YAP1: variants seen among roughly 807,000 people sequenced by gnomAD.
YAP1 encodes the protein transcriptional coactivator YAP1.
A neutral mutation model predicts 56.9 loss-of-function variants in YAP1; 5 were observed. The observed-to-expected ratio is 0.09, with a 90% CI of 0.05 to 0.18. The LOEUF is 0.18. YAP1 is among the 10% of genes least tolerant of loss of function. The pLI is 1.00. For synonymous variants in YAP1, 265 were observed against 248.1 expected (o/e 1.07, Z -0.64); for missense variants, 539 against 651.8 (o/e 0.83, Z 1.88).
chr11:102,168,397 C>T (rs1946722298), intron 3 of YAP1, among the ~76,000 whole-genome samples: 1 of 152,090 alleles, frequency 6.6e-6, no homozygotes, highest in African/African-American at 2.4e-5. Flanking sequence ...GCAGAATCAA[C>T]CCATTTATCT....
At chr11:102,134,483 ATATT>A (rs1300164745) in intron 2 of YAP1, among the ~76,000 whole-genome samples, 9 of 147,802 alleles carry the variant, frequency 6.1e-5, no homozygotes, top group Admixed American at 2.0e-4. Flanking sequence ...AAAATTATAT[ATATT>A]TATTTATATA....
At chr11:102,226,711 G>A (rs1950213930) in intron 7 of YAP1, among the ~76,000 whole-genome samples, 1 of 152,138 alleles carries the variant, frequency 6.6e-6, no homozygotes, top group African/African-American at 2.4e-5. Context: ...TCTGTGTTGG[G>A]TCATTTTATT....
At chr11:102,185,241 C>T (rs899288016) in intron 3 of YAP1, among the ~76,000 whole-genome samples, 7 of 152,136 alleles carry the variant, frequency 4.6e-5, no homozygotes, top group African/African-American at 1.7e-4. Context: ...TTGCTGTTAC[C>T]TCCCAAGAGC....
At chr11:102,196,966 A>G (rs1948605928) in intron 4 of YAP1, among the ~76,000 whole-genome samples, 1 of 152,162 alleles carries the variant, frequency 6.6e-6, no homozygotes, top group African/African-American at 2.4e-5. Flanking sequence ...ATAAATTATT[A>G]TGCCACTTTA....
intron 2 of YAP1, among the ~76,000 whole-genome samples, chr11:102,159,475 TC>T (rs2135387186): frequency 6.6e-6 from 1 of 152,352 alleles, no homozygotes; most frequent in East Asian, 1.9e-4. Context: ...AAAACCAAAC[TC>T]CTATTAAAGC....
intron 4 of YAP1, among the ~76,000 whole-genome samples, chr11:102,193,924 C>T (rs1394284570): frequency 2.6e-5 from 4 of 151,532 alleles, no homozygotes; most frequent in African/African-American, 2.4e-5. Context: ...CTGCAACCTC[C>T]GCCTCCCGAG....
chr11:102,112,696 A>C, intron 1 of YAP1: 2 of 985,364 alleles, frequency 2.0e-6, no homozygotes, highest in Non-Finnish European at 2.4e-6. Context: ...GGAGGAGGAA[A>C]GAAGGAAAAA....
chr11:102,212,877 T>A (rs10895275), intron 6 of YAP1, among the ~76,000 whole-genome samples: 53,157 of 152,046 alleles, frequency 0.35, 9,441 homozygotes, highest in East Asian at 0.41. Context: ...CACCACACCC[T>A]GCCAAAGAGC....
intron 6 of YAP1, among the ~76,000 whole-genome samples, chr11:102,215,324 AT>A (rs1949607261): frequency 6.6e-6 from 1 of 152,174 alleles, no homozygotes; most frequent in Non-Finnish European, 1.5e-5. Context: ...AAACAAATTG[AT>A]TACCACCCTC....
At chr11:102,165,816 C>T (rs1467265399) in intron 3 of YAP1, among the ~76,000 whole-genome samples, 1 of 152,140 alleles carries the variant, frequency 6.6e-6, no homozygotes, top group Non-Finnish European at 1.5e-5. Flanking sequence ...TCCGATAAAG[C>T]AGAAGCGACA....
rs1950431250 is a variant in YAP1 at position 102,231,416 on chromosome 11, A to T, written c.*1476A>T. 6.6e-6 allele frequency: 1 copy of T among 152,478 alleles called. No homozygotes were observed. Among genetic ancestry groups the T allele is most frequent in the East Asian group, 1.9e-4 (1 of 5,202 alleles). The allele number at this position is 152,478 out of a possible 1,614,324, so 9.4% of individuals were successfully genotyped here. ...ACTTACAAGACTTGCTCCTACTTCT[A>T]TGCTGAAAATTGACCCTGGATAGAA... On this transcript the variant is annotated 3_prime_UTR_variant, in exon 9 of 9. Transcript: ENST00000282441.
chr11:102,141,121 C>G lies in YAP1; in HGVS notation c.573-21335C>G, dbSNP rs569077257. Among the ~76,000 whole-genome samples the G allele has an allele frequency of 5.9e-5, 9 of 152,262 alleles. No homozygotes were observed. In the East Asian group the frequency reaches 1.7e-3, roughly 29 times the overall value. ...TAAGATTCAGCTCAGGTGTTAATTC[C>G]TCTAGAGAGTCTACCTAGATTTTTC... On this transcript the variant is annotated intron_variant, in intron 2 of 8. Coordinates refer to ENST00000282441, the MANE Select transcript of YAP1 (RefSeq NM_001130145.3).
At chr11:102,202,479 G>A (rs925761682) in intron 4 of YAP1, among the ~76,000 whole-genome samples, 64 of 150,582 alleles carry the variant, frequency 4.3e-4, no homozygotes, top group African/African-American at 1.4e-3. Flanking sequence ...GCACCTGGCC[G>A]ATTTTTTTTT....
At chr11:102,198,658 A>G (rs1948691012) in intron 4 of YAP1, among the ~76,000 whole-genome samples, 1 of 152,150 alleles carries the variant, frequency 6.6e-6, no homozygotes, top group Non-Finnish European at 1.5e-5. Flanking sequence ...CTTGGAACCA[A>G]AAACACTTTT....
intron 5 of YAP1, 132 bp from the exon 6 acceptor site, chr11:102,209,384 AG>A: frequency 1.3e-6 from 1 of 784,816 alleles, no homozygotes; most frequent in South Asian, 1.7e-5. Context: ...TGTCTTCGTC[AG>A]TCTGCTTCTT....
chr11:102,225,131 A>G (rs1398360120), intron 7 of YAP1, among the ~76,000 whole-genome samples: 1 of 151,330 alleles, frequency 6.6e-6, no homozygotes, highest in Non-Finnish European at 1.5e-5. Flanking sequence ...TCTCTGCAGT[A>G]CCCCCAGTTT....
At chr11:102,131,647 A>G (rs998694790) in intron 2 of YAP1, among the ~76,000 whole-genome samples, 2 of 152,144 alleles carry the variant, frequency 1.3e-5, no homozygotes, top group African/African-American at 4.8e-5. Context: ...CATAATTATG[A>G]TTGCCCTTTT....
At chr11:102,139,565 C>T (rs1436352469) in intron 2 of YAP1, among the ~76,000 whole-genome samples, 1 of 152,182 alleles carries the variant, frequency 6.6e-6, no homozygotes, top group Non-Finnish European at 1.5e-5. Flanking sequence ...TAAGCAGTTA[C>T]AGGATATAAG....
At chr11:102,149,960 A>C (rs889744332) in intron 2 of YAP1, among the ~76,000 whole-genome samples, 7 of 144,704 alleles carry the variant, frequency 4.8e-5, no homozygotes, top group Non-Finnish European at 1.1e-4. Flanking sequence ...GCTAAAAAAG[A>C]GATTTTGAGT....
Sources: gnomAD v4.1 joint callset for allele counts (sites outside exome capture counted in the v4.1 genomes callset) on GRCh38, gnomAD v4.1.1 for gene constraint, MANE v1.5 for transcripts, NCBI Gene and HGNC (gene_info 2026-07-23, HGNC 2026-07-21) for gene names.